GABRB1: variants seen among roughly 807,000 people sequenced by gnomAD.
GABRB1 encodes gamma-aminobutyric acid receptor subunit beta-1.
Under a neutral mutation model 51.6 loss-of-function variants are expected in GABRB1, and 17 were observed. The observed-to-expected ratio is 0.33, with a 90% CI of 0.23 to 0.49. GABRB1 has a LOEUF of 0.49. Ranked by LOEUF, GABRB1 falls within the 20% of genes least tolerant of loss-of-function variation. The pLI is 0.99. For missense variants in GABRB1, 410 were observed against 600.6 expected (o/e 0.68, Z 3.32); for synonymous variants, 247 against 218.9 (o/e 1.13, Z -1.14).
chr4:47,054,651 G>A lies in GABRB1; in HGVS notation c.240+22167G>A, dbSNP rs142751264. On this transcript the variant is annotated intron_variant, in intron 3 of 8. Coordinates refer to ENST00000295454, the MANE Select transcript of GABRB1 (RefSeq NM_000812.4). ...GGCTGGAGTGCAGTGGCATGGTCTC[G>A]GCTCACTGCAATCTCCACCTCCCCA... Among the ~76,000 whole-genome samples, 1,282 of 151,468 alleles carry A rather than the reference G, an allele frequency of 8.5e-3. 14 individuals are homozygous for A. The highest frequency in any genetic ancestry group is 0.028 in the African/African-American group (1,172 of 41,210).
chr4:47,207,415 T>C (rs914368085), intron 4 of GABRB1, among the ~76,000 whole-genome samples: 10 of 151,958 alleles, frequency 6.6e-5, no homozygotes, highest in Non-Finnish European at 1.2e-4. Flanking sequence ...GTTCTGCATT[T>C]TACACCAGTC....
At chr4:47,377,950 C>T (rs1560359283) in intron 5 of GABRB1, among the ~76,000 whole-genome samples, 3 of 152,262 alleles carry the variant, frequency 2.0e-5, no homozygotes, top group Admixed American at 1.3e-4. Flanking sequence ...CTCCACGTCC[C>T]CACCAGACTC....
chr4:46,999,523 A>T (rs924582125), intron 1 of GABRB1, among the ~76,000 whole-genome samples: 4 of 152,224 alleles, frequency 2.6e-5, no homozygotes, highest in African/African-American at 9.6e-5. Flanking sequence ...ATTGTGGTGT[A>T]AAGAGAGAAC....
chr4:47,074,165 C>A (rs180670652), intron 3 of GABRB1, among the ~76,000 whole-genome samples: 1 of 152,062 alleles, frequency 6.6e-6, no homozygotes, highest in African/African-American at 2.4e-5. Flanking sequence ...ACAGTGAATG[C>A]TTTTCATATA....
chr4:47,021,751 G>T (rs1277868493), intron 1 of GABRB1, among the ~76,000 whole-genome samples: 1 of 152,038 alleles, frequency 6.6e-6, no homozygotes, highest in East Asian at 1.9e-4. Flanking sequence ...TTGTGGGCTT[G>T]AACTCTGGTC....
intron 3 of GABRB1, among the ~76,000 whole-genome samples, chr4:47,083,733 CTATCT>C (rs1727949961): frequency 6.6e-6 from 1 of 152,134 alleles, no homozygotes; most frequent in African/African-American, 2.4e-5. Context: ...ATTATGGCTC[CTATCT>C]TTGGAACCTT....
Position 47,077,839 on chromosome 4 carries a change from AT to A in GABRB1, c.240+45359del, listed in dbSNP as rs1577886472. ...TAAAAAAATATAATATATATTATAT[AT>A]TTTATATATATTTTTATATATTTTA... is the stretch of plus-strand genomic sequence containing the variant. On this transcript the variant is annotated intron_variant, in intron 3 of 8. Transcript: ENST00000295454. Among the ~76,000 whole-genome samples, 10 of 140,642 alleles carry A rather than the reference AT, an allele frequency of 7.1e-5. No homozygotes were observed. The South Asian group carries it at 2.1e-3, about 30-fold the overall frequency. 92.3% of individuals were successfully genotyped at this position (140,642 alleles called of 152,430 possible). A position where few individuals can be genotyped will look rare whatever the true frequency, so the allele number is the denominator to read the frequency against.
intron 3 of GABRB1, among the ~76,000 whole-genome samples, chr4:47,098,151 AACACACACACACACACACACACAC>A (rs59294163): frequency 2.0e-5 from 3 of 148,228 alleles, no homozygotes; most frequent in Non-Finnish European, 4.5e-5. Flanking sequence ...TTTTAGTACA[AACACACACACACACACACACACAC>A]ACACACACAC....
chr4:47,344,047 T>A (rs1053269311), intron 5 of GABRB1, among the ~76,000 whole-genome samples: 1 of 152,148 alleles, frequency 6.6e-6, no homozygotes, highest in Non-Finnish European at 1.5e-5. Flanking sequence ...GTTGATAGTA[T>A]AGAGCATAAT....
intron 3 of GABRB1, among the ~76,000 whole-genome samples, chr4:47,113,098 A>T (rs1235688979): frequency 6.6e-6 from 1 of 152,188 alleles, no homozygotes; most frequent in East Asian, 1.9e-4. Flanking sequence ...AAAATAAAAA[A>T]ATCAGGGCCG....
chr4:47,331,765 A>G (rs954593869), intron 5 of GABRB1, among the ~76,000 whole-genome samples: 2 of 152,168 alleles, frequency 1.3e-5, no homozygotes, highest in African/African-American at 2.4e-5. Context: ...TCTAATATTT[A>G]TTAATGGGCC....
Position 47,161,356 on chromosome 4 carries a change from C to A in GABRB1, c.348C>A (p.Leu116=). The change falls in exon 4 of 9, where the codon CTC becomes CTA. Residue 116 remains leucine, a synonymous_variant. Coordinates refer to ENST00000295454, the MANE Select transcript of GABRB1 (RefSeq NM_000812.4). ...LTLDNRVADQ[L]WVPDTYFLND... ...TAGACAATAGGGTAGCTGACCAACT[C>A]TGGGTACCAGACACCTACTTTCTGA... 2 of 1,612,716 alleles carry A rather than the reference C, an allele frequency of 1.2e-6. No homozygotes were observed.
At position 47,002,577 on chromosome 4, in the gene GABRB1, GT is replaced by G. The variant is rs201345499; in HGVS notation, c.-20+8660del. ...AAAGCACAATAGCAGAAATGTATGTGTTTTTTTTTCTGTATCTTTAAGTCCC... is the reference window on the plus strand; with the variant it reads ...AAAGCACAATAGCAGAAATGTATGTGTTTTTTTTCTGTATCTTTAAGTCCC... On this transcript the variant is annotated intron_variant, in intron 1 of 3. Transcript: ENST00000513567. 7.0e-4 allele frequency among the ~76,000 whole-genome samples: 106 copies of G among 150,816 alleles called. 3 individuals carry two copies. The highest frequency in any genetic ancestry group is 7.7e-4 in the Non-Finnish European group (52 of 67,586).
chr4:47,147,999 A>T (rs530457615), intron 3 of GABRB1, among the ~76,000 whole-genome samples: 1 of 152,088 alleles, frequency 6.6e-6, no homozygotes, highest in Non-Finnish European at 1.5e-5. Context: ...TAAAAATTGA[A>T]ATCTCATTTT....
intron 3 of GABRB1, among the ~76,000 whole-genome samples, chr4:47,138,557 C>A (rs1217718068): frequency 6.6e-6 from 1 of 152,010 alleles, no homozygotes; most frequent in Non-Finnish European, 1.5e-5. Flanking sequence ...AAAGCTAGAC[C>A]AGTGAGAGTC....
chr4:47,087,707 G>T (rs1361173774), intron 3 of GABRB1, among the ~76,000 whole-genome samples: 1 of 152,176 alleles, frequency 6.6e-6, no homozygotes, highest in African/African-American at 2.4e-5. Flanking sequence ...GTGTTTTGGA[G>T]AAACAGCATA....
chr4:47,197,061 C>G (rs1309417469), intron 4 of GABRB1, among the ~76,000 whole-genome samples: 1 of 152,212 alleles, frequency 6.6e-6, no homozygotes, highest in Non-Finnish European at 1.5e-5. Flanking sequence ...AGAATTAGAG[C>G]CAGGCCCATG....
At chr4:47,243,777 T>C (rs28787996) in intron 4 of GABRB1, among the ~76,000 whole-genome samples, 7,125 of 152,232 alleles carry the variant, frequency 0.047, 403 homozygotes, top group African/African-American at 0.13. Context: ...CTTAAGGAGA[T>C]TTTGGGCTGA....
At chr4:47,375,218 G>C (rs967357571) in intron 5 of GABRB1, among the ~76,000 whole-genome samples, 8 of 152,184 alleles carry the variant, frequency 5.3e-5, no homozygotes, top group African/African-American at 1.9e-4. Flanking sequence ...TTCAAGCTGG[G>C]AGTGACATTG....
Sources: allele counts gnomAD v4.1 joint callset (sites outside exome capture counted in the v4.1 genomes callset), GRCh38; gene constraint gnomAD v4.1.1; transcripts MANE v1.5; gene names NCBI Gene and HGNC (gene_info 2026-07-23, HGNC 2026-07-21).